The following SKI variants were observed in gnomAD, a reference collection of about 807,000 sequenced individuals.
SKI encodes the protein ski oncogene.
Under a neutral mutation model 59.3 loss-of-function variants are expected in SKI, and 23 were observed. The observed-to-expected ratio is 0.39, with a 90% CI of 0.28 to 0.55. SKI has a LOEUF of 0.55. Ranked by LOEUF, SKI falls within the 20% of genes least tolerant of loss-of-function variation. The pLI, the probability that SKI is intolerant of heterozygous loss-of-function variation, is 0.67. For synonymous variants in SKI, 673 were observed against 488.6 expected, an observed-to-expected ratio of 1.38 and a Z score of -4.98; for missense variants, 1,017 against 1,038.9, an observed-to-expected ratio of 0.98 and a Z score of 0.29.
At chr1:2,259,995 G>A (rs1339916660) in intron 1 of SKI, among the ~76,000 whole-genome samples, 1 of 152,174 alleles carries the variant, frequency 6.6e-6, no homozygotes, top group South Asian at 2.1e-4. Flanking sequence ...AGTTGTTGTC[G>A]GGATACACGG....
At chr1:2,260,287 G>A (rs1639357109) in intron 1 of SKI, among the ~76,000 whole-genome samples, 1 of 152,152 alleles carries the variant, frequency 6.6e-6, no homozygotes, top group Non-Finnish European at 1.5e-5. Flanking sequence ...TCTCTTGTGC[G>A]TATTTGCCAC....
intron 1 of SKI, among the ~76,000 whole-genome samples, chr1:2,280,383 A>G (rs1357928452): frequency 6.6e-6 from 1 of 151,606 alleles, no homozygotes; most frequent in Non-Finnish European, 1.5e-5. Flanking sequence ...CTCAAAAAAA[A>G]AAAAAGTCTG....
At chr1:2,290,067 G>A (rs918565600) in intron 1 of SKI, among the ~76,000 whole-genome samples, 4 of 152,180 alleles carry the variant, frequency 2.6e-5, no homozygotes, top group Non-Finnish European at 5.9e-5. Flanking sequence ...TGTGGCGCCG[G>A]GGGTCCCTGT....
At chr1:2,237,933 A>G (rs1234466409) in intron 1 of SKI, among the ~76,000 whole-genome samples, 1 of 152,178 alleles carries the variant, frequency 6.6e-6, no homozygotes, top group Non-Finnish European at 1.5e-5. Context: ...GGGTTACTTA[A>G]GGAGTCCAAC....
chr1:2,303,481 C>G lies in SKI; in HGVS notation c.1211+81C>G. On this transcript the variant is annotated intron_variant, in intron 3 of 6. Coordinates refer to ENST00000378536, the MANE Select transcript of SKI (RefSeq NM_003036.4). This position sits in a 1 kb window ranked among gnomAD's most constrained non-coding sequence, Gnocchi z 5.6. ...TGTGCATGCGGACGCGCCCATGTTT[C>G]TGCAGGCTGGGTGCCCAGACCTGCC... The G allele has an allele frequency of 1.5e-6, 2 of 1,309,610 alleles. No individual in the cohort carries two copies. Among genetic ancestry groups the G allele is most frequent in the Non-Finnish European group, 2.2e-6 (2 of 922,544 alleles). The allele number at this position is 1,309,610 out of a possible 1,614,324, so 81.1% of individuals were successfully genotyped here. A position where few individuals can be genotyped will look rare whatever the true frequency, so the allele number is the denominator to read the frequency against.
chr1:2,279,521 G>T (rs1186179883), intron 1 of SKI, among the ~76,000 whole-genome samples: 1 of 152,192 alleles, frequency 6.6e-6, no homozygotes, highest in Non-Finnish European at 1.5e-5. Context: ...GGGGAATTAG[G>T]GGGAGGGGGA....
chr1:2,271,572 C>A (rs1274049875), intron 1 of SKI, among the ~76,000 whole-genome samples: 4 of 152,204 alleles, frequency 2.6e-5, no homozygotes, highest in Non-Finnish European at 5.9e-5. Flanking sequence ...CTGCCCTGCC[C>A]CGGGCTGACC....
chr1:2,238,090 A>G (rs1464401198), intron 1 of SKI, among the ~76,000 whole-genome samples: 1 of 152,210 alleles, frequency 6.6e-6, no homozygotes, highest in Non-Finnish European at 1.5e-5. Flanking sequence ...CGGTCCAGGC[A>G]GCTCCAGGGT....
Position 2,229,806 on chromosome 1 carries a change from C to G in SKI, c.969+71C>G. 1.3e-6 allele frequency: 2 copies of G among 1,547,860 alleles called. No homozygotes were observed. Among genetic ancestry groups the G allele is most frequent in the Non-Finnish European group, 8.7e-7 (1 of 1,145,968 alleles). ...GGGGGCCCCTTCTGGACTACAGGCT[C>G]TGGTCTCCGAAGGCTGGGACCTGTG... is the stretch of plus-strand genomic sequence containing the variant. On this transcript the variant is annotated intron_variant, in intron 1 of 6. Transcript: ENST00000378536. The surrounding 1 kb of genome is among the most constrained non-coding windows in gnomAD (Gnocchi z 6.3).
In SKI at chr1:2,304,065, CTCGGAG is replaced by C. The variant is rs956063996; in HGVS notation, c.1438_1443del (p.Ser480_Glu481del). On this transcript the variant is annotated inframe_deletion, in exon 4 of 7. Transcript: ENST00000378536. ...TGGCTGCCCCAGAGGAGGACAAGGA[CTCGGAG>C]GCGGAGGTGGAAGTTGAAAGCAGGG... 6.2e-7 allele frequency: 1 copy of C among 1,612,492 alleles called. No homozygotes were observed. Among genetic ancestry groups the C allele is most frequent in the African/African-American group, 1.3e-5 (1 of 74,920 alleles).
rs1261830369 is a variant in SKI at position 2,303,981 on chromosome 1, G to C, written c.1353G>C (p.Gln451His). 1 of 1,612,516 alleles carries C rather than the reference G, an allele frequency of 6.2e-7. No homozygotes were observed. The highest frequency in any genetic ancestry group is 8.5e-7 in the Non-Finnish European group (1 of 1,179,842). ...RAPEPLATCTQPRKRKLTVDT... is the reference protein window; with the variant it reads ...RAPEPLATCTHPRKRKLTVDT... Reference sequence around the variant, plus strand: ...CCGAGCCTCTCGCCACTTGCACCCAGCCTCGGAAGCGGAAGCTGACTGTGG... The same window carrying C: ...CCGAGCCTCTCGCCACTTGCACCCACCCTCGGAAGCGGAAGCTGACTGTGG... Residue 451 changes from glutamine to histidine, a missense_variant, in exon 4 of 7, where the codon CAG (glutamine) becomes CAC (histidine). Gln to His is a conservative substitution (Grantham distance 24, BLOSUM62 0). Coordinates refer to ENST00000378536, the MANE Select transcript of SKI (RefSeq NM_003036.4). This position sits in a 1 kb window ranked among gnomAD's most constrained non-coding sequence, Gnocchi z 5.6.
rs1332486200 is a variant in SKI, at chr1:2,267,421, G to A, written c.970-35557G>A. ...GACAGGGCCGTTCGGGCCGGAGCAG[G>A]TGCGACAGGAATGTCCCACGTCCTC... On this transcript the variant is annotated intron_variant, in intron 1 of 6. Transcript: ENST00000378536. This position sits in a 1 kb window ranked among gnomAD's most constrained non-coding sequence, Gnocchi z 4.1. 6.6e-6 allele frequency among the ~76,000 whole-genome samples: 1 copy of A among 152,204 alleles called. No individual in the cohort carries two copies. Among genetic ancestry groups the A allele is most frequent in the Non-Finnish European group, 1.5e-5 (1 of 68,034 alleles).
chr1:2,263,259 A>T (rs1193318827), intron 1 of SKI, among the ~76,000 whole-genome samples: 8 of 122,164 alleles, frequency 6.5e-5, no homozygotes, highest in Non-Finnish European at 1.3e-4. Flanking sequence ...TTTTTTGGAG[A>T]CGGAGTCTTG....
At chr1:2,305,640 C>G (rs1178121314) in intron 5 of SKI, among the ~76,000 whole-genome samples, 3 of 152,158 alleles carry the variant, frequency 2.0e-5, no homozygotes, top group Non-Finnish European at 4.4e-5. Context: ...CGTGGGGAGA[C>G]CCGGGGCCCT....
At chr1:2,304,191 T>C (rs2100919325) in intron 4 of SKI, 89 bp downstream of exon 4, 1 of 1,576,450 alleles carries the variant, frequency 6.3e-7, no homozygotes, top group East Asian at 2.4e-5. Flanking sequence ...GGTGCGTTGG[T>C]GGCCCCATGT....
chr1:2,288,407 C>G (rs1269563546), intron 1 of SKI, among the ~76,000 whole-genome samples: 1 of 152,248 alleles, frequency 6.6e-6, no homozygotes, highest in Non-Finnish European at 1.5e-5. Flanking sequence ...CAGGCATGAG[C>G]CACTGTGCCC....
chr1:2,265,956 A>G (rs905545938), intron 1 of SKI, among the ~76,000 whole-genome samples: 3 of 152,190 alleles, frequency 2.0e-5, no homozygotes, highest in Non-Finnish European at 4.4e-5. Flanking sequence ...TGACAGAGCC[A>G]GACCCTATCT....
chr1:2,301,254 C>T (rs547481313), intron 1 of SKI, among the ~76,000 whole-genome samples: 142 of 152,326 alleles, frequency 9.3e-4, no homozygotes, highest in African/African-American at 2.9e-3. Context: ...TCAGGGCCTC[C>T]GCCAGACGTC....
Position 2,269,426 on chromosome 1 carries a change from G to T in SKI, c.970-33552G>T, listed in dbSNP as rs1427630469. On this transcript the variant is annotated intron_variant, in intron 1 of 6. Transcript: ENST00000378536. The surrounding 1 kb of genome is among the most constrained non-coding windows in gnomAD (Gnocchi z 4.7). ...CCACAGCGTCACTAGTAGGCCAAGC[G>T]GACACTGCGGGACACGTTCCCCAAC... is the stretch of plus-strand genomic sequence containing the variant. Among the ~76,000 whole-genome samples, 1 of 152,236 alleles carries T rather than the reference G, an allele frequency of 6.6e-6. No individual in the cohort carries two copies. Among genetic ancestry groups the T allele is most frequent in the African/African-American group, 2.4e-5 (1 of 41,460 alleles).
Sources: allele counts gnomAD v4.1 joint callset (sites outside exome capture counted in the v4.1 genomes callset), GRCh38; gene constraint gnomAD v4.1.1; non-coding constraint Gnocchi (gnomAD v3.1); transcripts MANE v1.5; gene names NCBI Gene and HGNC (gene_info 2026-07-23, HGNC 2026-07-21).